ADAMTS3: variants seen among roughly 807,000 people sequenced by gnomAD.
ADAMTS3 encodes A disintegrin and metalloproteinase with thrombospondin motifs 3.
ADAMTS3 carries 73 observed loss-of-function variants against 129.0 expected under a neutral mutation model. That is an observed-to-expected ratio of 0.57 (90% CI 0.47 to 0.69). The LOEUF (loss-of-function observed/expected upper bound fraction) is 0.69, where lower values mean the gene tolerates loss of function less well. Ranked by LOEUF, ADAMTS3 falls within the 30% of genes least tolerant of loss-of-function variation. The pLI is 0.00. For synonymous variants in ADAMTS3, 477 were observed against 510.8 expected (o/e 0.93, Z 0.89); for missense variants, 1,457 against 1,514.5 (o/e 0.96, Z 0.63).
At chr4:72,431,377 G>A (rs541242528) in intron 3 of ADAMTS3, among the ~76,000 whole-genome samples, 3 of 152,002 alleles carry the variant, frequency 2.0e-5, no homozygotes, top group South Asian at 2.1e-4. Context: ...TAAATAAAAG[G>A]ACAGGCTAAG....
At chr4:72,408,449 T>C (rs1023104270) in intron 4 of ADAMTS3, among the ~76,000 whole-genome samples, 1 of 152,038 alleles carries the variant, frequency 6.6e-6, no homozygotes. Flanking sequence ...CAAGAGTGGA[T>C]AGTATTGATT....
At chr4:72,472,834 A>G (rs1304923232) in intron 3 of ADAMTS3, among the ~76,000 whole-genome samples, 2 of 152,174 alleles carry the variant, frequency 1.3e-5, no homozygotes, top group African/African-American at 4.8e-5. Flanking sequence ...GCACTGCACG[A>G]ACTTTGGCTA....
At chr4:72,292,759 T>C (rs1296277255) in intron 19 of ADAMTS3, among the ~76,000 whole-genome samples, 1 of 152,164 alleles carries the variant, frequency 6.6e-6, no homozygotes, top group Non-Finnish European at 1.5e-5. Context: ...TTATTTTTCT[T>C]TCCATATATA....
Position 72,295,634 on chromosome 4 carries a change from T to G in ADAMTS3, c.2723+20A>C, listed in dbSNP as rs1184332254. ...TCCTGATTTTGACCTCCAGATATGA[T>G]AGTTAAAATAGATGCTTACAGTGGA... is the stretch of plus-strand genomic sequence containing the variant. On this transcript the variant is annotated intron_variant, in intron 19 of 21. Transcript: ENST00000286657. 1 of 1,595,626 alleles carries G rather than the reference T, an allele frequency of 6.3e-7. No individual in the cohort carries two copies. The highest frequency in any genetic ancestry group is 2.2e-5 in the East Asian group (1 of 44,658).
chr4:72,425,842 T>C (rs1257135113), intron 3 of ADAMTS3, among the ~76,000 whole-genome samples: 1 of 151,794 alleles, frequency 6.6e-6, no homozygotes, highest in East Asian at 1.9e-4. Context: ...CCTTTGGGTA[T>C]ATACCCAGTA....
At chr4:72,555,946 TC>T (rs1397414640) in intron 2 of ADAMTS3, among the ~76,000 whole-genome samples, 2 of 151,516 alleles carry the variant, frequency 1.3e-5, no homozygotes, top group African/African-American at 4.9e-5. Context: ...TTTCCTGAGG[TC>T]CCCCCTGTCA....
intron 4 of ADAMTS3, among the ~76,000 whole-genome samples, chr4:72,355,904 G>A (rs1422939628): frequency 6.6e-6 from 1 of 152,012 alleles, no homozygotes; most frequent in African/African-American, 2.4e-5. Flanking sequence ...CTTATGATTT[G>A]TGGAAATTAG....
intron 3 of ADAMTS3, among the ~76,000 whole-genome samples, chr4:72,547,136 C>G (rs1202156375): frequency 6.6e-6 from 1 of 152,080 alleles, no homozygotes; most frequent in East Asian, 1.9e-4. Flanking sequence ...GAGCATTTTT[C>G]TAGATTGGAT....
Position 72,313,915 on chromosome 4 carries a change from A to G in ADAMTS3, c.1600-93T>C. On this transcript the variant is annotated intron_variant, in intron 11 of 21. Coordinates refer to ENST00000286657, the MANE Select transcript of ADAMTS3 (RefSeq NM_014243.3). ...AACCATCTAGTTGAAGGGCTTTCTTACTGCTCTTTTTTCTTCCAGGTGGAG... is the reference window on the plus strand; with the variant it reads ...AACCATCTAGTTGAAGGGCTTTCTTGCTGCTCTTTTTTCTTCCAGGTGGAG... The G allele has an allele frequency of 3.5e-6, 5 of 1,424,728 alleles. No individual in the cohort carries two copies. The Middle Eastern group carries it at 9.0e-4, about 257-fold the overall frequency. The allele number at this position is 1,424,728 out of a possible 1,614,324, so 88.3% of individuals were successfully genotyped here. A position where few individuals can be genotyped will look rare whatever the true frequency, so the allele number is the denominator to read the frequency against.
intron 3 of ADAMTS3, among the ~76,000 whole-genome samples, chr4:72,544,741 A>T (rs918822613): frequency 1.3e-5 from 2 of 152,208 alleles, no homozygotes; most frequent in South Asian, 4.1e-4. Context: ...ACTAGTTATA[A>T]TGACATCATG....
At chr4:72,301,786 T>G (rs769587195) in intron 17 of ADAMTS3, among the ~76,000 whole-genome samples, 1 of 152,106 alleles carries the variant, frequency 6.6e-6, no homozygotes, top group Admixed American at 6.6e-5. Context: ...AGCCAGATCT[T>G]ATTCCTGACA....
intron 3 of ADAMTS3, among the ~76,000 whole-genome samples, chr4:72,548,243 A>T (rs1267752511): frequency 6.6e-6 from 1 of 152,218 alleles, no homozygotes; most frequent in East Asian, 1.9e-4. Flanking sequence ...AAAATATTTG[A>T]CTTTTGTTTC....
chr4:72,289,574 C>T (rs574473750), intron 20 of ADAMTS3, among the ~76,000 whole-genome samples: 2 of 152,122 alleles, frequency 1.3e-5, no homozygotes, highest in Non-Finnish European at 2.9e-5. Context: ...ATGTGGGTGA[C>T]CTGCACTTGT....
At chr4:72,385,245 T>C (rs373263077) in intron 4 of ADAMTS3, among the ~76,000 whole-genome samples, 1 of 151,962 alleles carries the variant, frequency 6.6e-6, no homozygotes. Flanking sequence ...TTTTCACATT[T>C]TACATGAATT....
chr4:72,513,563 A>G (rs1720372340), intron 3 of ADAMTS3, among the ~76,000 whole-genome samples: 1 of 152,150 alleles, frequency 6.6e-6, no homozygotes, highest in African/African-American at 2.4e-5. Context: ...AGCTCTTTTC[A>G]TGTTCTATGA....
At chr4:72,295,530 C>T (rs1718781803) in intron 19 of ADAMTS3, 124 bp downstream of exon 19, 2 of 988,778 alleles carry the variant, frequency 2.0e-6, no homozygotes, top group Non-Finnish European at 2.9e-6. Context: ...TGTGAAGTGA[C>T]TTGACTATTT....
chr4:72,400,357 GCA>G (rs1721880333), intron 4 of ADAMTS3, among the ~76,000 whole-genome samples: 1 of 146,928 alleles, frequency 6.8e-6, no homozygotes, highest in Non-Finnish European at 1.5e-5. Flanking sequence ...ATATACGTGT[GCA>G]TAGATATGCA....
In ADAMTS3 at chr4:72,319,849, G is replaced by C; in HGVS notation, c.1208+9C>G. The C allele has an allele frequency of 6.2e-7, 1 of 1,605,224 alleles. No homozygotes were observed. Among genetic ancestry groups the C allele is most frequent in the East Asian group, 2.2e-5 (1 of 44,742 alleles). Reference sequence around the variant, plus strand: ...TTTTTTGGCTTTATAGCTGTCAGCAGTGACTTACACATGGCCCGTTTCATG... The same window carrying C: ...TTTTTTGGCTTTATAGCTGTCAGCACTGACTTACACATGGCCCGTTTCATG... On this transcript the variant is annotated intron_variant, in intron 8 of 21. Transcript: ENST00000286657.
At position 72,304,090 on chromosome 4, in the gene ADAMTS3, G is replaced by A; in HGVS notation, c.2261-10C>T. On this transcript the variant is annotated splice_polypyrimidine_tract_variant and intron_variant, in intron 16 of 21. Coordinates refer to ENST00000286657, the MANE Select transcript of ADAMTS3 (RefSeq NM_014243.3). ...GCCTGGTTCTTAATAGCTAAAGGGA[G>A]AAAAATGAGTAACCAGCATACATTT... 6.2e-7 allele frequency: 1 copy of A among 1,610,296 alleles called. No homozygotes were observed. The highest frequency in any genetic ancestry group is 8.5e-7 in the Non-Finnish European group (1 of 1,178,276).
Sources: gnomAD v4.1 joint callset for allele counts (sites outside exome capture counted in the v4.1 genomes callset) on GRCh38, gnomAD v4.1.1 for gene constraint, MANE v1.5 for transcripts, NCBI Gene and HGNC (gene_info 2026-07-23, HGNC 2026-07-21) for gene names.